The following CCNP variants were observed in gnomAD, a reference collection of about 807,000 sequenced individuals.
CCNP encodes the protein cyclin-P.
In CCNP, 18 loss-of-function variants were observed where a neutral mutation model predicts 19.6. The ratio of observed to expected loss-of-function variants is 0.92; its 90% CI spans 0.64 to 1.36. The LOEUF is 1.36. Among genes scored for constraint, CCNP ranks in the 40% most tolerant of loss-of-function variants. The pLI, the probability that CCNP is intolerant of heterozygous loss-of-function variation, is 0.00. For missense variants in CCNP, 440 were observed against 424.4 expected, an observed-to-expected ratio of 1.04 and a Z score of -0.32; for synonymous variants, 228 against 194.9, an observed-to-expected ratio of 1.17 and a Z score of -1.41.
chr19:40,226,354 G>A (rs1313716268), intron 1 of CCNP, 21 bp downstream of exon 1: 3 of 1,601,000 alleles, frequency 1.9e-6, no homozygotes, highest in East Asian at 2.2e-5. Flanking sequence ...CCTCACCAGG[G>A]CAGGCGGCGG....
At position 40,222,357 on chromosome 19, in the gene CCNP, T is replaced by TG. The variant is rs1973458319; in HGVS notation, c.*694dup. On this transcript the variant is annotated 3_prime_UTR_variant, in exon 5 of 5. Coordinates refer to ENST00000430325, the MANE Select transcript of CCNP (RefSeq NM_024877.4). ...CGGAGCAGGCAGGCGGCGGCAAGGC[T>TG]GGTCCCCTGGCGCTGGGGCCGCGCA... The TG allele has an allele frequency of 2.5e-6, 1 of 398,928 alleles. No individual in the cohort carries two copies. Among genetic ancestry groups the TG allele is most frequent in the Non-Finnish European group, 4.4e-6 (1 of 226,082 alleles). 24.7% of individuals were successfully genotyped at this position (398,928 alleles called of 1,614,324 possible). A position where few individuals can be genotyped will look rare whatever the true frequency, so the allele number is the denominator to read the frequency against.
At chr19:40,223,980 T>C (rs1318895941) in intron 3 of CCNP, among the ~76,000 whole-genome samples, 2 of 148,854 alleles carry the variant, frequency 1.3e-5, no homozygotes, top group African/African-American at 5.0e-5. Context: ...TTGTTTTTTT[T>C]TGTTGTTGTT....
rs1973493762 is a variant in CCNP, at chr19:40,223,696, G to A, written c.514-150C>T. 3 of 1,089,178 alleles carry A rather than the reference G, an allele frequency of 2.8e-6. No homozygotes were observed. In the African/African-American group the frequency reaches 4.7e-5, roughly 17 times the overall value. The allele number at this position is 1,089,178 out of a possible 1,614,324, so 67.5% of individuals were successfully genotyped here. ...GTGTCTGGAAGTCGTAGAGAGCACG[G>A]GCTTGAGGGTCCTGGGTTCAAGACC... On this transcript the variant is annotated intron_variant, in intron 3 of 4. Transcript: ENST00000430325.
chr19:40,223,409 C>A lies in CCNP; in HGVS notation c.651G>T (p.Ala217=). The change falls in exon 4 of 5, where the codon GCG becomes GCT. Residue 217 remains alanine, a synonymous_variant. Coordinates refer to ENST00000430325, the MANE Select transcript of CCNP (RefSeq NM_024877.4). The stretch of plus-strand genomic sequence containing the variant: ...TCACCTGGGGGCTGCTCCCTGCCAG[C>A]GCGGCCAGCAGCCCGAGGCACAGCA... ...GPLLCLGLLA[A]LAGSSPQVML... The A allele has an allele frequency of 6.3e-7, 1 of 1,576,692 alleles. No individual in the cohort carries two copies. Among genetic ancestry groups the A allele is most frequent in the Non-Finnish European group, 8.6e-7 (1 of 1,162,632 alleles).
At position 40,222,710 on chromosome 19, in the gene CCNP, C is replaced by T. The variant is rs1417620733; in HGVS notation, c.*342G>A. ...GCGGCTAGTGCGGAGTCAGAACACT[C>T]GAGGAAGCAAGGAGGGGAGCTGAGG... On this transcript the variant is annotated 3_prime_UTR_variant, in exon 5 of 5. Transcript: ENST00000430325. 1 of 407,566 alleles carries T rather than the reference C, an allele frequency of 2.5e-6. No individual in the cohort carries two copies. Among genetic ancestry groups the T allele is most frequent in the Non-Finnish European group, 4.3e-6 (1 of 232,222 alleles). 25.2% of individuals were successfully genotyped at this position (407,566 alleles called of 1,614,324 possible).
Position 40,222,989 on chromosome 19 carries a change from G to A in CCNP, c.*63C>T, listed in dbSNP as rs780594648. The A allele has an allele frequency of 4.4e-5, 41 of 940,620 alleles. No individual in the cohort carries two copies. Among genetic ancestry groups the A allele is most frequent in the Non-Finnish European group, 6.6e-5 (41 of 622,760 alleles). The allele number at this position is 940,620 out of a possible 1,614,324, so 58.3% of individuals were successfully genotyped here. On this transcript the variant is annotated 3_prime_UTR_variant, in exon 5 of 5. Coordinates refer to ENST00000430325, the MANE Select transcript of CCNP (RefSeq NM_024877.4). ...TAAGAGACCCCAGATCTGGACTAAT[G>A]GGGTCCTCCCACCCCATTCTCTCCC...
chr19:40,223,028 T>G lies in CCNP; in HGVS notation c.*24A>C, dbSNP rs2304185. ...CCATTCTCTCCCACACCCAGAAAAA[T>G]CAAGTCTAGGTGCCACCTCCTCCTC... On this transcript the variant is annotated 3_prime_UTR_variant, in exon 5 of 5. Coordinates refer to ENST00000430325, the MANE Select transcript of CCNP (RefSeq NM_024877.4). The G allele has an allele frequency of 0.081, 112,269 of 1,384,060 alleles. 5,371 individuals carry two copies. The highest frequency in any genetic ancestry group is 0.19 in the African/African-American group (13,052 of 68,818). 85.7% of individuals were successfully genotyped at this position (1,384,060 alleles called of 1,614,324 possible).
chr19:40,222,951 T>C lies in CCNP; in HGVS notation c.*101A>G, dbSNP rs2145114003. ...CTGGGCCTGGGAGACTATCTTCCAC[T>C]CTGGGGCAAGGTTAAGAGACCCCAG... On this transcript the variant is annotated 3_prime_UTR_variant, in exon 5 of 5. Transcript: ENST00000430325. 1.5e-6 allele frequency: 1 copy of C among 686,234 alleles called. No homozygotes were observed. Among genetic ancestry groups the C allele is most frequent in the Non-Finnish European group, 2.5e-6 (1 of 408,032 alleles). 42.5% of individuals were successfully genotyped at this position (686,234 alleles called of 1,614,324 possible). A position where few individuals can be genotyped will look rare whatever the true frequency, so the allele number is the denominator to read the frequency against.
At chr19:40,224,383 G>T in intron 3 of CCNP, 105 bp downstream of exon 3, 2 of 1,285,434 alleles carry the variant, frequency 1.6e-6, no homozygotes, top group Non-Finnish European at 2.2e-6. Flanking sequence ...CCTCATACAT[G>T]TTGGGAATCC....
At position 40,226,390 on chromosome 19, in the gene CCNP, G is replaced by C. The variant is rs1194459771; in HGVS notation, c.252C>G (p.Ile84Met). 5.6e-6 allele frequency: 9 copies of C among 1,606,714 alleles called. No homozygotes were observed. The highest frequency in any genetic ancestry group is 7.6e-6 in the Non-Finnish European group (9 of 1,179,716). Residue 84 changes from isoleucine (I) to methionine (M), a missense_variant, in exon 1 of 5, where the codon ATC becomes ATG. Physicochemically the swap from Ile to Met is conservative, Grantham distance 10. Transcript: ENST00000430325. ...LQGEREYAGD[I>M]FAEVMVCRVL... Reference sequence around the variant, plus strand: ...GTAGGCTCACCATGACTTCGGCGAAGATGTCCCCGGCGTACTCGCGTTCTC... The same window carrying C: ...GTAGGCTCACCATGACTTCGGCGAACATGTCCCCGGCGTACTCGCGTTCTC...
Position 40,224,604 on chromosome 19 carries a change from C to A in CCNP, c.397G>T (p.Val133Phe). ...CTCAGGTAGGAATCAAGCAGGTGAACCGCCAGATAAAGTGTGTCACCAGCC... is the reference window on the plus strand; with the variant it reads ...CTCAGGTAGGAATCAAGCAGGTGAAACGCCAGATAAAGTGTGTCACCAGCC... ...GLAGDTLYLA[V>F]HLLDSYLSAG... The change falls in exon 3 of 5, where the codon GTT (valine) becomes TTT (phenylalanine). Residue 133 changes from valine (V) to phenylalanine (F), a missense_variant. Physicochemically the swap from Val to Phe is conservative, Grantham distance 50. Coordinates refer to ENST00000430325, the MANE Select transcript of CCNP (RefSeq NM_024877.4). 6.2e-7 allele frequency: 1 copy of A among 1,614,208 alleles called. No homozygotes were observed. Among genetic ancestry groups the A allele is most frequent in the African/African-American group, 1.3e-5 (1 of 75,052 alleles).
intron 1 of CCNP, 67 bp from the exon 2 acceptor site, chr19:40,224,878 C>T: frequency 2.2e-6 from 3 of 1,385,590 alleles, no homozygotes; most frequent in Non-Finnish European, 3.0e-6. Flanking sequence ...GAGCTCCAGC[C>T]CTGGATGCAG....
chr19:40,223,038 G>T lies in CCNP; in HGVS notation c.*14C>A, dbSNP rs909011365. ...CCACACCCAGAAAAATCAAGTCTAG[G>T]TGCCACCTCCTCCTCAATAATTGTC... is the stretch of plus-strand genomic sequence containing the variant. On this transcript the variant is annotated 3_prime_UTR_variant, in exon 5 of 5. Coordinates refer to ENST00000430325, the MANE Select transcript of CCNP (RefSeq NM_024877.4). 3.4e-6 allele frequency: 5 copies of T among 1,457,390 alleles called. No homozygotes were observed. The African/African-American group carries it at 5.7e-5, about 17-fold the overall frequency. The allele number at this position is 1,457,390 out of a possible 1,614,324, so 90.3% of individuals were successfully genotyped here.
chr19:40,223,139 G>A lies in CCNP; in HGVS notation c.837C>T (p.Gly279=), dbSNP rs976719973. The change falls in exon 5 of 5, where the codon GGC becomes GGT. Residue 279 remains glycine, a synonymous_variant. Transcript: ENST00000430325. The part of the protein sequence containing the change: ...LQPELYRCSL[G]GGSVWGHRSF... ...TGCGGTGACCCCATACACTTCCTCC[G>A]CCAAGACTACACCTGTAAAGTTCTG... 85 of 1,551,176 alleles carry A rather than the reference G, an allele frequency of 5.5e-5. No individual in the cohort carries two copies. In the Middle Eastern group the frequency reaches 6.7e-4, roughly 12 times the overall value.
intron 1 of CCNP, chr19:40,225,061 AC>A (rs1210369602): frequency 3.4e-5 from 13 of 386,256 alleles, no homozygotes; most frequent in Admixed American, 5.6e-5. Flanking sequence ...CCCAGACTTC[AC>A]TTTTTTTTTT....
chr19:40,226,454 G>A lies in CCNP; in HGVS notation c.188C>T (p.Pro63Leu), dbSNP rs774798690. Reference sequence around the variant, plus strand: ...CGCGCTCAGCGCCTCCTCCAGCCCCGGCGGCCTCGCCAGGCGTCTTGGGGA... The same window carrying A: ...CGCGCTCAGCGCCTCCTCCAGCCCCAGCGGCCTCGCCAGGCGTCTTGGGGA... ...TVSPRRLARP[P>L]GLEEALSALG... is the part of the protein sequence containing the mutation. Residue 63 changes from proline (P) to leucine (L), a missense_variant, in exon 1 of 5, where the codon CCG becomes CTG. Physicochemically the swap from Pro to Leu is moderately conservative, Grantham distance 98. Coordinates refer to ENST00000430325, the MANE Select transcript of CCNP (RefSeq NM_024877.4). The A allele has an allele frequency of 6.8e-6, 11 of 1,608,202 alleles. No homozygotes were observed. The highest frequency in any genetic ancestry group is 1.6e-4 in the Middle Eastern group (1 of 6,074).
Position 40,223,565 on chromosome 19 carries a change from G to C in CCNP, c.514-19C>G, listed in dbSNP as rs747371646. On this transcript the variant is annotated intron_variant, in intron 3 of 4. Transcript: ENST00000430325. ...AGGCGGGCTGCAGATGGGGGATGCG[G>C]GGGGAGGTGAAGGAGTCTTGGATCC... 8.8e-6 allele frequency: 14 copies of C among 1,598,512 alleles called. No individual in the cohort carries two copies. In the Admixed American group the frequency reaches 1.4e-4, roughly 16 times the overall value.
chr19:40,223,415 C>T lies in CCNP; in HGVS notation c.645G>A (p.Leu215=). 6.3e-7 allele frequency: 1 copy of T among 1,586,590 alleles called. No individual in the cohort carries two copies. The highest frequency in any genetic ancestry group is 8.6e-7 in the Non-Finnish European group (1 of 1,167,478). ...GGGGGCTGCTCCCTGCCAGCGCGGC[C>T]AGCAGCCCGAGGCACAGCAGCGGGC... ...HPGPLLCLGL[L]AALAGSSPQV... is the part of the protein sequence containing the mutation. Residue 215 remains leucine, a synonymous_variant, in exon 4 of 5, where the codon CTG becomes CTA. Transcript: ENST00000430325.
chr19:40,224,713 G>C lies in CCNP; in HGVS notation c.357+9C>G. ...AAACTCAGCCCCCCACACCCTTCCA[G>C]ATACCTACGTGCACCTGGACCAGCC... On this transcript the variant is annotated intron_variant, in intron 2 of 4. Transcript: ENST00000430325. 1 of 1,591,262 alleles carries C rather than the reference G, an allele frequency of 6.3e-7. No homozygotes were observed. Among genetic ancestry groups the C allele is most frequent in the Non-Finnish European group, 8.5e-7 (1 of 1,170,020 alleles).
Sources: allele counts gnomAD v4.1 joint callset (sites outside exome capture counted in the v4.1 genomes callset), GRCh38; gene constraint gnomAD v4.1.1; transcripts MANE v1.5; gene names NCBI Gene and HGNC (gene_info 2026-07-23, HGNC 2026-07-21).